TMTC2: variants seen among roughly 807,000 people sequenced by gnomAD.
TMTC2 encodes the protein transmembrane O-mannosyltransferase targeting cadherins 2.
A neutral mutation model predicts 82.4 loss-of-function variants in TMTC2; 43 were observed. The ratio of observed to expected loss-of-function variants is 0.52; its 90% CI spans 0.41 to 0.67. TMTC2 has a LOEUF of 0.67. Among genes scored for constraint, TMTC2 ranks in the 30% least tolerant of loss-of-function variants. The pLI, the probability that TMTC2 is intolerant of heterozygous loss-of-function variation, is 0.00. For missense variants in TMTC2, 919 were observed against 1,012.4 expected, an observed-to-expected ratio of 0.91 and a Z score of 1.25; for synonymous variants, 408 against 381.9, an observed-to-expected ratio of 1.07 and a Z score of -0.80.
intron 11 of TMTC2, among the ~76,000 whole-genome samples, chr12:83,107,223 C>G (rs1335339536): frequency 6.6e-6 from 1 of 152,170 alleles, no homozygotes; most frequent in Non-Finnish European, 1.5e-5. Context: ...TTTGTGATAT[C>G]AAAGATATCT....
At chr12:82,691,927 G>A (rs1872595592) in intron 1 of TMTC2, among the ~76,000 whole-genome samples, 1 of 152,142 alleles carries the variant, frequency 6.6e-6, no homozygotes, top group African/African-American at 2.4e-5. Context: ...GTTTTCACTG[G>A]AATACAAGTT....
intron 1 of TMTC2, among the ~76,000 whole-genome samples, chr12:82,716,511 G>C (rs930431931): frequency 2.1e-4 from 32 of 150,888 alleles, no homozygotes; most frequent in African/African-American, 6.2e-4. Flanking sequence ...CTACAGGCGC[G>C]CGCCACCATG....
At chr12:82,967,413 A>T (rs1392685782) in intron 7 of TMTC2, among the ~76,000 whole-genome samples, 1 of 152,126 alleles carries the variant, frequency 6.6e-6, no homozygotes, top group Non-Finnish European at 1.5e-5. Context: ...TATTAATAAT[A>T]AAAACAAGAT....
chr12:82,995,167 A>G (rs1292952372), intron 8 of TMTC2, among the ~76,000 whole-genome samples: 1 of 152,206 alleles, frequency 6.6e-6, no homozygotes, highest in East Asian at 1.9e-4. Flanking sequence ...ACATTTGAGT[A>G]TCGCTCCTTG....
chr12:83,030,845 G>C lies in TMTC2; in HGVS notation c.2118G>C (p.Leu706=). 3 of 1,613,642 alleles carry C rather than the reference G, an allele frequency of 1.9e-6. No individual in the cohort carries two copies. Among genetic ancestry groups the C allele is most frequent in the Non-Finnish European group, 2.5e-6 (3 of 1,179,670 alleles). The change falls in exon 9 of 12, where the codon CTG becomes CTC. Residue 706 remains leucine, a synonymous_variant. Coordinates refer to ENST00000321196, the MANE Select transcript of TMTC2 (RefSeq NM_152588.3). ...AGCTCTTCTTGAAGGCTATTGAGCT[G>C]GATCCCACCAAAGGAAACTGTTACA... ...AEKLFLKAIE[L]DPTKGNCYMH... is the part of the protein sequence containing the mutation.
Position 83,132,575 on chromosome 12 carries a change from G to A in TMTC2, c.*186G>A. On this transcript the variant is annotated 3_prime_UTR_variant, in exon 12 of 12. Transcript: ENST00000321196. Reference sequence around the variant, plus strand: ...AGGCACAGCTGTTAACACCAAAAAGGGGAAAGCCGGAAACCTCCTGGAGGA... The same window carrying A: ...AGGCACAGCTGTTAACACCAAAAAGAGGAAAGCCGGAAACCTCCTGGAGGA... 1.6e-6 allele frequency: 1 copy of A among 618,024 alleles called. No individual in the cohort carries two copies. The highest frequency in any genetic ancestry group is 2.4e-5 in the South Asian group (1 of 41,136). The allele number at this position is 618,024 out of a possible 1,614,324, so 38.3% of individuals were successfully genotyped here.
intron 1 of TMTC2, among the ~76,000 whole-genome samples, chr12:82,692,236 G>A (rs565910023): frequency 6.0e-4 from 91 of 152,190 alleles, no homozygotes; most frequent in African/African-American, 2.1e-3. Context: ...ATACATGCAC[G>A]ATTATTACAT....
At chr12:83,005,616 C>G (rs1365068725) in intron 8 of TMTC2, among the ~76,000 whole-genome samples, 1 of 152,150 alleles carries the variant, frequency 6.6e-6, no homozygotes, top group Non-Finnish European at 1.5e-5. Flanking sequence ...CGTGCTCTGA[C>G]CCTGGGGACT....
chr12:82,977,713 A>T (rs185871352), intron 7 of TMTC2, among the ~76,000 whole-genome samples: 18 of 152,008 alleles, frequency 1.2e-4, no homozygotes, highest in Admixed American at 3.3e-4. Flanking sequence ...TATAAAAGAT[A>T]GTCCAAGAAT....
At chr12:82,918,778 G>C (rs1272669115) in intron 3 of TMTC2, among the ~76,000 whole-genome samples, 2 of 149,266 alleles carry the variant, frequency 1.3e-5, no homozygotes, top group African/African-American at 2.5e-5. Context: ...CTCTCTTTGA[G>C]ACAGAGTCTT....
At chr12:82,774,061 A>G (rs1033184604) in intron 1 of TMTC2, among the ~76,000 whole-genome samples, 1 of 152,042 alleles carries the variant, frequency 6.6e-6, no homozygotes, top group African/African-American at 2.4e-5. Context: ...TTTTTCCTCT[A>G]TTATTTAAGA....
At chr12:83,094,136 A>G (rs1453759151) in intron 11 of TMTC2, among the ~76,000 whole-genome samples, 2 of 152,258 alleles carry the variant, frequency 1.3e-5, no homozygotes, top group Non-Finnish European at 2.9e-5. Flanking sequence ...ATTTCTTTAC[A>G]TAGAAGTAGA....
intron 1 of TMTC2, among the ~76,000 whole-genome samples, chr12:82,817,172 T>A (rs1485574460): frequency 6.6e-6 from 1 of 151,996 alleles, no homozygotes; most frequent in African/African-American, 2.4e-5. Flanking sequence ...TTTCACCATG[T>A]TGGCCACGCT....
At chr12:82,775,274 C>T (rs555948178) in intron 1 of TMTC2, among the ~76,000 whole-genome samples, 3 of 151,816 alleles carry the variant, frequency 2.0e-5, no homozygotes, top group Non-Finnish European at 4.4e-5. Flanking sequence ...CACAGCAAGA[C>T]CTGGTCTTTA....
At chr12:82,787,487 G>A (rs892947775) in intron 1 of TMTC2, among the ~76,000 whole-genome samples, 5 of 152,036 alleles carry the variant, frequency 3.3e-5, no homozygotes, top group Middle Eastern at 3.2e-3. Context: ...TCAGACAGTT[G>A]CTTAAGTTAG....
chr12:82,905,819 C>G lies in TMTC2; in HGVS notation c.1483+9173C>G, dbSNP rs376808752. On this transcript the variant is annotated intron_variant, in intron 3 of 11. Coordinates refer to ENST00000321196, the MANE Select transcript of TMTC2 (RefSeq NM_152588.3). ...AATTAGCCGGGCATGGTGGCGGGCGCCTGTATTCCCAGCTACTCGGGAGGC... is the reference window on the plus strand; with the variant it reads ...AATTAGCCGGGCATGGTGGCGGGCGGCTGTATTCCCAGCTACTCGGGAGGC... Among the ~76,000 whole-genome samples the G allele has an allele frequency of 2.8e-3, 421 of 152,060 alleles. 2 individuals carry two copies. The highest frequency in any genetic ancestry group is 9.7e-3 in the African/African-American group (404 of 41,496).
chr12:82,732,586 G>A (rs1174535989), intron 1 of TMTC2, among the ~76,000 whole-genome samples: 4 of 152,054 alleles, frequency 2.6e-5, no homozygotes, highest in African/African-American at 7.2e-5. Flanking sequence ...CTTGTGATCC[G>A]TCTGCCTCGG....
intron 8 of TMTC2, among the ~76,000 whole-genome samples, chr12:82,989,664 C>T (rs1289869211): frequency 6.6e-6 from 1 of 151,522 alleles, no homozygotes; most frequent in Non-Finnish European, 1.5e-5. Context: ...AACCATGTGA[C>T]CTTTCTAAAA....
intron 1 of TMTC2, among the ~76,000 whole-genome samples, chr12:82,735,969 T>TCA (rs148485109): frequency 0.012 from 1,770 of 145,936 alleles, 26 homozygotes; most frequent in African/African-American, 0.04. Context: ...CGAGACTCCG[T>TCA]CACACACACA....
Sources: allele counts gnomAD v4.1 joint callset (sites outside exome capture counted in the v4.1 genomes callset), GRCh38; gene constraint gnomAD v4.1.1; transcripts MANE v1.5; gene names NCBI Gene and HGNC (gene_info 2026-07-23, HGNC 2026-07-21).